SNRPD1: variants seen among roughly 807,000 people sequenced by gnomAD.
SNRPD1 encodes small nuclear ribonucleoprotein Sm D1.
Under a neutral mutation model 14.4 loss-of-function variants are expected in SNRPD1, and 1 was observed. That is an observed-to-expected ratio of 0.07 (90% confidence interval 0.02 to 0.33). SNRPD1 has a LOEUF of 0.33. Among genes scored for constraint, SNRPD1 ranks in the 10% least tolerant of loss-of-function variants. The pLI, the probability that SNRPD1 is intolerant of heterozygous loss-of-function variation, is 1.00. For missense variants in SNRPD1, 52 were observed against 146.4 expected (o/e 0.36, Z 3.33); for synonymous variants, 42 against 50.3 (o/e 0.83, Z 0.70).
intron 1 of SNRPD1, among the ~76,000 whole-genome samples, chr18:21,616,273 C>T (rs1402787318): frequency 6.6e-6 from 1 of 152,084 alleles, no homozygotes; most frequent in Non-Finnish European, 1.5e-5. Flanking sequence ...GCGTGAGCCA[C>T]TGCGCCCAGC....
At chr18:21,625,316 A>ATTTTTTTTTTTTTT (rs144395165) in intron 3 of SNRPD1, among the ~76,000 whole-genome samples, 1,773 of 108,622 alleles carry the variant, frequency 0.016, 150 homozygotes, top group African/African-American at 0.047. Context: ...GTTGAAAAAA[A>ATTTTTTTTTTTTTT]TTTTTTTTTT....
intron 3 of SNRPD1, among the ~76,000 whole-genome samples, chr18:21,626,394 CA>C (rs774960503): frequency 4.3e-3 from 220 of 51,078 alleles, no homozygotes; most frequent in East Asian, 5.5e-3. Flanking sequence ...ACCCTGTCGC[CA>C]AAAAAAAAAA....
chr18:21,623,696 G>A, intron 2 of SNRPD1, 52 bp from the exon 3 acceptor site: 1 of 1,293,002 alleles, frequency 7.7e-7, no homozygotes, highest in Non-Finnish European at 1.1e-6. Context: ...AGATTAATTA[G>A]TTGCCTTAAC....
At chr18:21,616,852 A>AT (rs1035201729) in intron 1 of SNRPD1, among the ~76,000 whole-genome samples, 7 of 147,278 alleles carry the variant, frequency 4.8e-5, no homozygotes, top group African/African-American at 1.5e-4. Flanking sequence ...TGCCTGGCTT[A>AT]TTTTTTTTGT....
intron 1 of SNRPD1, among the ~76,000 whole-genome samples, chr18:21,618,945 C>T (rs924508987): frequency 1.3e-5 from 2 of 152,066 alleles, no homozygotes; most frequent in African/African-American, 4.8e-5. Flanking sequence ...TAGTCTAGTG[C>T]GGGAGGATAA....
At position 21,629,371 on chromosome 18, in the gene SNRPD1, T is replaced by G. The variant is rs138203136; in HGVS notation, c.*233T>G. 1.5e-4 allele frequency: 66 copies of G among 427,346 alleles called. No homozygotes were observed. The East Asian group carries it at 2.3e-3, about 15-fold the overall frequency. 26.5% of individuals were successfully genotyped at this position (427,346 alleles called of 1,614,324 possible). A position where few individuals can be genotyped will look rare whatever the true frequency, so the allele number is the denominator to read the frequency against. On this transcript the variant is annotated 3_prime_UTR_variant, in exon 4 of 4. Coordinates refer to ENST00000300413, the MANE Select transcript of SNRPD1 (RefSeq NM_006938.4). ...GTTTTAAGTTTTTGAACTAAAATTT[T>G]TCTTTTTCTTTTTATGATGAATAAG...
intron 2 of SNRPD1, 36 bp downstream of exon 2, chr18:21,622,837 TC>T: frequency 9.5e-7 from 1 of 1,051,344 alleles, no homozygotes; most frequent in Non-Finnish European, 1.5e-6. Flanking sequence ...ACATTTTTTT[TC>T]TTCTCTTTTA....
chr18:21,622,875 C>T, intron 2 of SNRPD1, 74 bp downstream of exon 2: 1 of 716,106 alleles, frequency 1.4e-6, no homozygotes, highest in Non-Finnish European at 2.5e-6. Context: ...TTTTTTATTG[C>T]TTAATGAACA....
intron 1 of SNRPD1, among the ~76,000 whole-genome samples, chr18:21,613,840 G>A (rs2038937938): frequency 8.3e-6 from 1 of 119,780 alleles, no homozygotes; most frequent in Non-Finnish European, 1.6e-5. Flanking sequence ...GGGCGACAGA[G>A]CGAGACTCCA....
intron 2 of SNRPD1, among the ~76,000 whole-genome samples, chr18:21,623,401 G>A (rs900386814): frequency 1.3e-5 from 2 of 152,186 alleles, no homozygotes; most frequent in African/African-American, 2.4e-5. Flanking sequence ...GGATAGTTTG[G>A]TGGAATGGGG....
In SNRPD1 at chr18:21,629,394, A is replaced by C; in HGVS notation, c.*256A>C. On this transcript the variant is annotated 3_prime_UTR_variant, in exon 4 of 4. Transcript: ENST00000300413. ...TTTTCTTTTTCTTTTTATGATGAAT[A>C]AGGTTAAAATAAAAGCCTTAGACAA... 2.6e-6 allele frequency: 1 copy of C among 388,274 alleles called. No individual in the cohort carries two copies. The highest frequency in any genetic ancestry group is 4.7e-6 in the Non-Finnish European group (1 of 213,888). The allele number at this position is 388,274 out of a possible 1,614,324, so 24.1% of individuals were successfully genotyped here. A position where few individuals can be genotyped will look rare whatever the true frequency, so the allele number is the denominator to read the frequency against.
chr18:21,627,566 A>G (rs1430003073), intron 3 of SNRPD1, among the ~76,000 whole-genome samples: 1 of 151,398 alleles, frequency 6.6e-6, no homozygotes, highest in Non-Finnish European at 1.5e-5. Flanking sequence ...CAACCTCCCA[A>G]GTAGCTGGGA....
intron 2 of SNRPD1, 78 bp downstream of exon 2, chr18:21,622,879 A>G (rs1257925613): frequency 5.5e-6 from 4 of 721,976 alleles, no homozygotes; most frequent in Non-Finnish European, 9.9e-6. Flanking sequence ...TTATTGCTTA[A>G]TGAACATTAT....
At chr18:21,617,016 A>G (rs151004235) in intron 1 of SNRPD1, among the ~76,000 whole-genome samples, 28 of 152,220 alleles carry the variant, frequency 1.8e-4, no homozygotes, top group African/African-American at 6.7e-4. Context: ...TCAAGTGACT[A>G]TCATCCATCT....
chr18:21,627,234 A>G (rs1226528463), intron 3 of SNRPD1, among the ~76,000 whole-genome samples: 2 of 151,822 alleles, frequency 1.3e-5, no homozygotes, highest in African/African-American at 2.4e-5. Flanking sequence ...TTCTTAATTT[A>G]TCTTTCTTTT....
chr18:21,616,008 C>T (rs1378929690), intron 1 of SNRPD1, among the ~76,000 whole-genome samples: 3 of 152,060 alleles, frequency 2.0e-5, no homozygotes, highest in South Asian at 2.1e-4. Flanking sequence ...GTTTTTGAGG[C>T]GGAGTCTCAC....
intron 1 of SNRPD1, among the ~76,000 whole-genome samples, chr18:21,612,786 C>T (rs2038928965): frequency 1.3e-5 from 2 of 152,388 alleles, no homozygotes; most frequent in South Asian, 4.1e-4. Context: ...CTTAACAGTA[C>T]TTAGAAAGCT....
rs190226701 is a variant in SNRPD1, at chr18:21,627,087, G to C, written c.284-1975G>C. The stretch of plus-strand genomic sequence containing the variant: ...GTGGATCACCAGCCTGGCCAACAGA[G>C]TAAAACCCCATCTCTACTAAAAATA... On this transcript the variant is annotated intron_variant, in intron 3 of 3. Transcript: ENST00000300413. Among the ~76,000 whole-genome samples, 3 of 151,766 alleles carry C rather than the reference G, an allele frequency of 2.0e-5. No individual in the cohort carries two copies. In the East Asian group the frequency reaches 5.9e-4, roughly 30 times the overall value.
At chr18:21,616,276 C>T (rs1258800359) in intron 1 of SNRPD1, among the ~76,000 whole-genome samples, 3 of 148,720 alleles carry the variant, frequency 2.0e-5, no homozygotes, top group South Asian at 4.3e-4. Flanking sequence ...TGAGCCACTG[C>T]GCCCAGCCCA....
Sources: gnomAD v4.1 joint callset for allele counts (sites outside exome capture counted in the v4.1 genomes callset) on GRCh38, gnomAD v4.1.1 for gene constraint, MANE v1.5 for transcripts, NCBI Gene and HGNC (gene_info 2026-07-23, HGNC 2026-07-21) for gene names.